The following RCBTB2 variants were observed in gnomAD, a reference collection of about 807,000 sequenced individuals.
The protein encoded by RCBTB2 is RCC1 and BTB domain containing protein 2.
In RCBTB2, 55 loss-of-function variants were observed where a neutral mutation model predicts 65.4. The ratio of observed to expected loss-of-function variants is 0.84; its 90% CI spans 0.68 to 1.05. The LOEUF (loss-of-function observed/expected upper bound fraction) is 1.05, where lower values mean the gene tolerates loss of function less well. Ranked by LOEUF, RCBTB2 falls within the 50% of genes least tolerant of loss-of-function variation. RCBTB2 has a pLI of 0.00. For missense variants in RCBTB2, 599 were observed against 680.1 expected (o/e 0.88, Z 1.33); for synonymous variants, 220 against 255.2 (o/e 0.86, Z 1.31).
chr13:48,490,221 T>C lies in RCBTB2; in HGVS notation c.1546A>G (p.Ile516Val). 6.2e-7 allele frequency: 1 copy of C among 1,613,664 alleles called. No individual in the cohort carries two copies. Among genetic ancestry groups the C allele is most frequent in the Non-Finnish European group, 8.5e-7 (1 of 1,179,606 alleles). ...TGTGTTACTACAGTCAGATGGTTTA[T>C]GCAAAACCTGAAGCAGAATTCTTCT... ...DLEEFCFRFC[I>V]NHLTVVTQTS... The change falls in exon 15 of 15, where the codon ATA (isoleucine) becomes GTA (valine). Residue 516 changes from isoleucine to valine, a missense_variant. By Grantham distance (29) the Ile-to-Val change is conservative (BLOSUM62 3). Coordinates refer to ENST00000344532, the MANE Select transcript of RCBTB2 (RefSeq NM_001268.4).
intron 8 of RCBTB2, 31 bp from the exon 9 acceptor site, chr13:48,511,908 A>G (rs777945661): frequency 3.7e-6 from 6 of 1,612,770 alleles, no homozygotes; most frequent in Non-Finnish European, 5.1e-6. Flanking sequence ...CAATCCTCTC[A>G]AGAGACAAAT....
At chr13:48,499,567 A>T in intron 13 of RCBTB2, 54 bp downstream of exon 13, 1 of 1,585,820 alleles carries the variant, frequency 6.3e-7, no homozygotes, top group Non-Finnish European at 8.6e-7. Flanking sequence ...TATAGAAACC[A>T]CCTTGTCAGT....
At position 48,502,782 on chromosome 13, in the gene RCBTB2, A is replaced by G. The variant is rs750912603; in HGVS notation, c.1059T>C (p.Thr353=). Residue 353 remains threonine, a synonymous_variant, in exon 11 of 15, where the codon ACT becomes ACC. Transcript: ENST00000344532. ...ILPHLTHFSC[T]DDVFACFATP... ...TGGCAAAGCAGGCAAACACGTCGTC[A>G]GTGCAGGAGAAGTGGGTGAGGTGCG... 5.0e-6 allele frequency: 8 copies of G among 1,613,914 alleles called. No homozygotes were observed. In the East Asian group the frequency reaches 8.9e-5, roughly 18 times the overall value.
chr13:48,512,749 C>T lies in RCBTB2; in HGVS notation c.496G>A (p.Val166Met). ...EVACGSYHSL[V>M]LTSDGEVFAW... is the part of the protein sequence containing the mutation. ...CTCACCTCTCCATCAGATGTTAGCA[C>T]CAAAGAATGGTAAGACCCACAGGCA... Residue 166 changes from valine to methionine, a missense_variant, in exon 7 of 15, where the codon GTG (valine) becomes ATG (methionine). Coordinates refer to ENST00000344532, the MANE Select transcript of RCBTB2 (RefSeq NM_001268.4). The T allele has an allele frequency of 1.2e-6, 2 of 1,613,920 alleles. No individual in the cohort carries two copies. The highest frequency in any genetic ancestry group is 1.7e-6 in the Non-Finnish European group (2 of 1,179,894).
intron 1 of RCBTB2, among the ~76,000 whole-genome samples, chr13:48,531,643 G>A (rs1360480374): frequency 6.6e-6 from 1 of 152,162 alleles, no homozygotes; most frequent in Admixed American, 6.5e-5. Context: ...TGGTGGAAGT[G>A]GGGTATGCAA....
chr13:48,533,640 C>T (rs116061637), upstream of RCBTB2, among the ~76,000 whole-genome samples: 1,069 of 152,206 alleles, frequency 7.0e-3, 12 homozygotes, highest in African/African-American at 0.023. Flanking sequence ...ACCTCAGTTA[C>T]CTTGGGGCCA....
intron 1 of RCBTB2, among the ~76,000 whole-genome samples, chr13:48,527,789 T>A (rs931873760): frequency 1.3e-5 from 2 of 152,112 alleles, no homozygotes; most frequent in Admixed American, 6.6e-5. Flanking sequence ...ATGTTGAGAG[T>A]TTTCTCTACA....
At position 48,510,715 on chromosome 13, in the gene RCBTB2, A is replaced by G. The variant is rs1163854569; in HGVS notation, c.840T>C (p.Ala280=). The G allele has an allele frequency of 6.2e-7, 1 of 1,614,180 alleles. No homozygotes were observed. Among genetic ancestry groups the G allele is most frequent in the South Asian group, 1.1e-5 (1 of 91,072 alleles). The part of the protein sequence containing the change: ...LVLTDEGQVY[A]WGANSYGQLG... ...ACTGCCCATAAGAATTGGCGCCCCA[A>G]GCATACACTTGGCCTTCATCTGTTA... Residue 280 remains alanine (A), a synonymous_variant, in exon 10 of 15, where the codon GCT becomes GCC. Coordinates refer to ENST00000344532, the MANE Select transcript of RCBTB2 (RefSeq NM_001268.4).
intron 4 of RCBTB2, among the ~76,000 whole-genome samples, chr13:48,520,822 G>A (rs191215864): frequency 1.6e-4 from 24 of 150,982 alleles, no homozygotes; most frequent in African/African-American, 5.1e-4. Flanking sequence ...TCAAAATTAC[G>A]TTAGGCATAC....
intron 10 of RCBTB2, among the ~76,000 whole-genome samples, chr13:48,506,780 C>T (rs994308318): frequency 6.6e-6 from 1 of 152,244 alleles, no homozygotes; most frequent in Non-Finnish European, 1.5e-5. Context: ...TTATGAACTG[C>T]TCTTCCTTTC....
intron 4 of RCBTB2, among the ~76,000 whole-genome samples, chr13:48,519,599 C>T (rs769076994): frequency 1.3e-5 from 2 of 152,096 alleles, no homozygotes; most frequent in African/African-American, 2.4e-5. Context: ...TGAAATGATG[C>T]TACAAGTCAA....
chr13:48,498,323 T>C (rs1950067991), intron 13 of RCBTB2, among the ~76,000 whole-genome samples: 1 of 152,226 alleles, frequency 6.6e-6, no homozygotes, highest in Admixed American at 6.5e-5. Context: ...CATATTTTTA[T>C]CTGAAGTTCA....
rs776030242 is a variant in RCBTB2, at chr13:48,496,191, C to G, written c.1515G>C (p.Gln505His). Residue 505 changes from glutamine (Q) to histidine (H), a missense_variant and splice_region_variant, in exon 14 of 15, where the codon CAG (glutamine) becomes CAC (histidine). By Grantham distance (24) the Gln-to-His change is conservative. Transcript: ENST00000344532. ...LLSAAVKYDA[Q>H]DLEEFCFRFC... ...GCAGCTGGAAGCAAGCTTTCCTTAC[C>G]TGTGCATCATACTTCACCGCAGCCG... 4 of 1,491,038 alleles carry G rather than the reference C, an allele frequency of 2.7e-6. No homozygotes were observed. In the East Asian group the frequency reaches 9.8e-5, roughly 37 times the overall value. 92.4% of individuals were successfully genotyped at this position (1,491,038 alleles called of 1,614,324 possible).
chr13:48,506,198 G>C (rs9332027), intron 10 of RCBTB2, among the ~76,000 whole-genome samples: 1,694 of 152,346 alleles, frequency 0.011, 25 homozygotes, highest in African/African-American at 0.039. Context: ...GGATGGCAGA[G>C]AGCAGCATCG....
chr13:48,499,839 T>C, intron 12 of RCBTB2, 79 bp from the exon 13 acceptor site: 2 of 1,544,318 alleles, frequency 1.3e-6, no homozygotes, highest in Non-Finnish European at 1.8e-6. Context: ...CGTTCTTCTC[T>C]CGAAGGTGCA....
chr13:48,496,932 TAGAC>T (rs1950013006), intron 13 of RCBTB2, among the ~76,000 whole-genome samples: 1 of 151,924 alleles, frequency 6.6e-6, no homozygotes, highest in African/African-American at 2.4e-5. Flanking sequence ...GCAAAACTCC[TAGAC>T]AGAGCTATCT....
intron 14 of RCBTB2, among the ~76,000 whole-genome samples, chr13:48,493,225 T>TCACATACACACACACACACACACA (rs1949774588): frequency 9.2e-6 from 1 of 109,128 alleles, no homozygotes; most frequent in African/African-American, 5.5e-5. Flanking sequence ...GTACCCTCCT[T>TCACATACACACACACACACACACA]CACACACACA....
At chr13:48,523,203 T>G (rs1951520782) in intron 2 of RCBTB2, among the ~76,000 whole-genome samples, 1 of 152,246 alleles carries the variant, frequency 6.6e-6, no homozygotes, top group Non-Finnish European at 1.5e-5. Context: ...TATGGCATCT[T>G]AGCAGATCTG....
At chr13:48,506,634 T>C (rs565250155) in intron 10 of RCBTB2, among the ~76,000 whole-genome samples, 2 of 152,288 alleles carry the variant, frequency 1.3e-5, no homozygotes, top group African/African-American at 4.8e-5. Context: ...TGGGGGCCAA[T>C]GTACACATAG....
Sources: allele counts gnomAD v4.1 joint callset (sites outside exome capture counted in the v4.1 genomes callset), GRCh38; gene constraint gnomAD v4.1.1; transcripts MANE v1.5; gene names NCBI Gene and HGNC (gene_info 2026-07-23, HGNC 2026-07-21).